HTN3: variants seen among roughly 807,000 people sequenced by gnomAD.
HTN3 encodes histatin 3, also known as histatin-3.
HTN3 carries 15 observed loss-of-function variants against 10.6 expected under a neutral mutation model. The observed-to-expected ratio is 1.42, with a 90% CI of 0.95 to 2.18. The LOEUF is 2.18. Among genes scored for constraint, HTN3 ranks in the 30% most tolerant of loss-of-function variants. HTN3 has a pLI of 0.00. For missense variants in HTN3, 68 were observed against 58.0 expected, an observed-to-expected ratio of 1.17 and a Z score of -0.56; for synonymous variants, 15 against 16.9, an observed-to-expected ratio of 0.89 and a Z score of 0.27.
rs765235964 is a variant in HTN3, at chr4:70,033,235, A to G, written c.*15A>G. The G allele has an allele frequency of 1.9e-6, 3 of 1,539,786 alleles. No individual in the cohort carries two copies. The highest frequency in any genetic ancestry group is 2.7e-6 in the Non-Finnish European group (3 of 1,117,760). ...ATGACAATTGATATCTTCAGTAATC[A>G]CGGGGCATGATTATGGAGGTAAGCT... On this transcript the variant is annotated 3_prime_UTR_variant, in exon 5 of 6. Coordinates refer to ENST00000673563, the MANE Select transcript of HTN3 (RefSeq NM_000200.3).
At chr4:70,030,964 A>G (rs949772942) in intron 2 of HTN3, 173 bp downstream of exon 2, 6 of 555,206 alleles carry the variant, frequency 1.1e-5, no homozygotes, top group Non-Finnish European at 1.6e-5. Flanking sequence ...CTTAGAATAA[A>G]TATTCATTAC....
chr4:70,033,320 T>TA (rs3841640), intron 5 of HTN3, 67 bp downstream of exon 5: 338 of 742,316 alleles, frequency 4.6e-4, no homozygotes, highest in African/African-American at 3.8e-3. Flanking sequence ...AAGGAAAAAT[T>TA]AAAAAAAAGC....
chr4:70,029,707 T>C (rs1027175691), intron 1 of HTN3, among the ~76,000 whole-genome samples: 2 of 149,948 alleles, frequency 1.3e-5, no homozygotes, highest in Admixed American at 1.3e-4. Flanking sequence ...TACTTTTTTA[T>C]ATCAGCCGAA....
At chr4:70,029,608 C>T (rs1291975732) in intron 1 of HTN3, among the ~76,000 whole-genome samples, 1 of 151,886 alleles carries the variant, frequency 6.6e-6, no homozygotes, top group Non-Finnish European at 1.5e-5. Flanking sequence ...ATAAAAATGC[C>T]ATGTAATTCT....
chr4:70,031,566 A>G (rs1427514871), intron 2 of HTN3, among the ~76,000 whole-genome samples: 1 of 152,178 alleles, frequency 6.6e-6, no homozygotes, highest in Non-Finnish European at 1.5e-5. Flanking sequence ...AAAAATAAAC[A>G]TATAAGAAGA....
intron 5 of HTN3, among the ~76,000 whole-genome samples, chr4:70,034,776 A>G (rs1432226991): frequency 6.6e-6 from 1 of 152,236 alleles, no homozygotes; most frequent in Non-Finnish European, 1.5e-5. Flanking sequence ...ACTATTTACA[A>G]TAGCAAAGAC....
At chr4:70,034,599 G>A (rs878889392) in intron 5 of HTN3, among the ~76,000 whole-genome samples, 1 of 152,130 alleles carries the variant, frequency 6.6e-6, no homozygotes, top group Non-Finnish European at 1.5e-5. Context: ...TTTTTCACTG[G>A]TGGTGAGAAT....
intron 5 of HTN3, among the ~76,000 whole-genome samples, chr4:70,033,717 T>C (rs1725441942): frequency 1.3e-5 from 2 of 152,186 alleles, no homozygotes; most frequent in Admixed American, 1.3e-4. Context: ...GCCATTTTCA[T>C]GAAATTGATT....
chr4:70,036,380 A>G lies in HTN3; in HGVS notation c.*147A>G, dbSNP rs1725516774. On this transcript the variant is annotated 3_prime_UTR_variant, in exon 6 of 6. Coordinates refer to ENST00000673563, the MANE Select transcript of HTN3 (RefSeq NM_000200.3). Reference sequence around the variant, plus strand: ...GGCAATGCAGAATAAAAGAAATACCATGATTTAGTGAATTCTGTGTTTCAG... The same window carrying G: ...GGCAATGCAGAATAAAAGAAATACCGTGATTTAGTGAATTCTGTGTTTCAG... The G allele has an allele frequency of 6.6e-6, 1 of 152,232 alleles. No individual in the cohort carries two copies. The highest frequency in any genetic ancestry group is 1.5e-5 in the Non-Finnish European group (1 of 68,046). 9.4% of individuals were successfully genotyped at this position (152,232 alleles called of 1,614,324 possible). A position where few individuals can be genotyped will look rare whatever the true frequency, so the allele number is the denominator to read the frequency against.
At chr4:70,033,284 G>T in intron 5 of HTN3, 31 bp downstream of exon 5, 2 of 1,032,572 alleles carry the variant, frequency 1.9e-6, no homozygotes, top group Non-Finnish European at 2.9e-6. Flanking sequence ...TTTCTTTCTA[G>T]AAGTATCAAC....
In HTN3 at chr4:70,029,978, G is replaced by T. The variant is rs186151869; in HGVS notation, c.-13-750G>T. On this transcript the variant is annotated intron_variant, in intron 1 of 5. Coordinates refer to ENST00000673563, the MANE Select transcript of HTN3 (RefSeq NM_000200.3). ...ATTCACTGACTTTATTATAAAGAAA[G>T]TCCCCATTACTTGCCATTCTACTTT... is the stretch of plus-strand genomic sequence containing the variant. 2.0e-3 allele frequency among the ~76,000 whole-genome samples: 308 copies of T among 152,224 alleles called. 2 individuals are homozygous for T. Among genetic ancestry groups the T allele is most frequent in the Admixed American group, 0.017 (260 of 15,280 alleles).
chr4:70,033,291 C>T, intron 5 of HTN3, 38 bp downstream of exon 5: 1 of 900,174 alleles, frequency 1.1e-6, no homozygotes. Flanking sequence ...CTAGAAGTAT[C>T]AACACTGACA....
At chr4:70,029,072 G>A (rs1295847863) in intron 1 of HTN3, among the ~76,000 whole-genome samples, 2 of 151,714 alleles carry the variant, frequency 1.3e-5, no homozygotes, top group Non-Finnish European at 2.9e-5. Context: ...TTGTGTTATG[G>A]CAGAAAAGAC....
intron 5 of HTN3, chr4:70,034,368 AC>A (rs1725458085): frequency 6.6e-6 from 1 of 152,198 alleles, no homozygotes; most frequent in Admixed American, 6.5e-5. Context: ...CAAGACAAAA[AC>A]AAAAAACCCG....
At chr4:70,034,848 C>A (rs1416732997) in intron 5 of HTN3, among the ~76,000 whole-genome samples, 1 of 152,184 alleles carries the variant, frequency 6.6e-6, no homozygotes, top group East Asian at 1.9e-4. Context: ...TACGTATACA[C>A]CATGGAACAC....
rs530755644 is a variant in HTN3 at position 70,033,321 on chromosome 4, A to T, written c.*33+68A>T. On this transcript the variant is annotated intron_variant, in intron 5 of 5. Transcript: ENST00000673563. ...CTGACAGTTAAAACAAGGAAAAATT[A>T]AAAAAAAGCCATTAAGCCAACAATC... 6.0e-4 allele frequency: 436 copies of T among 731,908 alleles called. 5 individuals are homozygous for T. Among genetic ancestry groups the T allele is most frequent in the South Asian group, 4.0e-3 (221 of 55,262 alleles). The allele number at this position is 731,908 out of a possible 1,614,324, so 45.3% of individuals were successfully genotyped here. A position where few individuals can be genotyped will look rare whatever the true frequency, so the allele number is the denominator to read the frequency against.
At position 70,031,901 on chromosome 4, in the gene HTN3, G is replaced by A. The variant is rs1183580561; in HGVS notation, c.52-78G>A. 9.0e-6 allele frequency: 9 copies of A among 1,004,540 alleles called. No individual in the cohort carries two copies. In the Admixed American group the frequency reaches 1.4e-4, roughly 15 times the overall value. The allele number at this position is 1,004,540 out of a possible 1,614,324, so 62.2% of individuals were successfully genotyped here. ...TCCATTCTATTTAATCATAAATGTG[G>A]CTAAGTCAATTTTTACACATATTCT... On this transcript the variant is annotated intron_variant, in intron 2 of 5. Transcript: ENST00000673563.
chr4:70,032,169 C>G, intron 4 of HTN3, 62 bp downstream of exon 4: 12 of 1,025,716 alleles, frequency 1.2e-5, no homozygotes, highest in Non-Finnish European at 1.6e-5. Context: ...ATTTATTCTC[C>G]TAGAATAATT....
chr4:70,033,391 G>A, intron 5 of HTN3, 138 bp downstream of exon 5: 1 of 544,408 alleles, frequency 1.8e-6, no homozygotes, highest in Admixed American at 3.5e-5. Flanking sequence ...TTTGAAGTGT[G>A]TTGATTTATA....
Sources: allele counts gnomAD v4.1 joint callset (sites outside exome capture counted in the v4.1 genomes callset), GRCh38; gene constraint gnomAD v4.1.1; transcripts MANE v1.5; gene names NCBI Gene and HGNC (gene_info 2026-07-23, HGNC 2026-07-21).